The following RPAP2 variants were observed in gnomAD, a reference collection of about 807,000 sequenced individuals.
The protein encoded by RPAP2 is putative RNA polymerase II subunit B1 CTD phosphatase RPAP2.
A neutral mutation model predicts 73.1 loss-of-function variants in RPAP2; 52 were observed. The observed-to-expected ratio is 0.71, with a 90% CI of 0.57 to 0.90. RPAP2 has a LOEUF of 0.90. Among genes scored for constraint, RPAP2 ranks in the 40% least tolerant of loss-of-function variants. The pLI is 0.00. For synonymous variants in RPAP2, 225 were observed against 242.1 expected, an observed-to-expected ratio of 0.93 and a Z score of 0.65; for missense variants, 598 against 701.8, an observed-to-expected ratio of 0.85 and a Z score of 1.67.
intron 3 of RPAP2, among the ~76,000 whole-genome samples, chr1:92,302,701 A>G (rs1650949394): frequency 1.5e-5 from 2 of 136,496 alleles, no homozygotes; most frequent in Non-Finnish European, 3.0e-5. Context: ...TCCCGTGTTC[A>G]CGCCATTCTC....
chr1:92,322,021 C>T (rs1260623235), intron 7 of RPAP2, among the ~76,000 whole-genome samples: 1 of 149,588 alleles, frequency 6.7e-6, no homozygotes, highest in Non-Finnish European at 1.5e-5. Flanking sequence ...TCTCGGCTCA[C>T]TGCAACCTCT....
At chr1:92,302,351 C>A (rs1042920857) in intron 3 of RPAP2, among the ~76,000 whole-genome samples, 9 of 150,488 alleles carry the variant, frequency 6.0e-5, no homozygotes, top group Middle Eastern at 3.4e-3. Flanking sequence ...AAAGAAAAAG[C>A]AAATATATTT....
rs544039312 is a variant in RPAP2, at chr1:92,391,208, T to G, written c.*4197T>G. ...CGTCTCAGACCACAATGCAATCAAA[T>G]TAGAACTCAGGATCAAGAATCTCAC... On this transcript the variant is annotated 3_prime_UTR_variant, in exon 13 of 13. Transcript: ENST00000610020. 1 of 152,210 alleles carries G rather than the reference T, an allele frequency of 6.6e-6. No individual in the cohort carries two copies. The highest frequency in any genetic ancestry group is 1.5e-5 in the Non-Finnish European group (1 of 68,020). The allele number at this position is 152,210 out of a possible 1,614,324, so 9.4% of individuals were successfully genotyped here. A position where few individuals can be genotyped will look rare whatever the true frequency, so the allele number is the denominator to read the frequency against.
chr1:92,351,344 A>C (rs373359068), intron 11 of RPAP2, among the ~76,000 whole-genome samples: 15 of 150,920 alleles, frequency 9.9e-5, no homozygotes, highest in African/African-American at 3.7e-4. Flanking sequence ...GACCATAATG[A>C]ATTGCATAAA....
chr1:92,319,789 A>C (rs918887094), intron 6 of RPAP2, among the ~76,000 whole-genome samples: 11 of 152,346 alleles, frequency 7.2e-5, no homozygotes, highest in African/African-American at 2.6e-4. Context: ...ACCTGAAGTC[A>C]GGAGTTCAAG....
At chr1:92,354,650 T>C (rs1654375144) in intron 11 of RPAP2, among the ~76,000 whole-genome samples, 1 of 152,136 alleles carries the variant, frequency 6.6e-6, no homozygotes, top group Admixed American at 6.5e-5. Context: ...AAACATTTTA[T>C]TTTATTTGGC....
chr1:92,373,194 AT>A (rs10716923), intron 11 of RPAP2, among the ~76,000 whole-genome samples: 88,307 of 151,978 alleles, frequency 0.58, 28,089 homozygotes, highest in East Asian at 0.96. Flanking sequence ...CTGAGGATGG[AT>A]TTTTAGAGGG....
chr1:92,384,026 C>G (rs1422475207), intron 12 of RPAP2, among the ~76,000 whole-genome samples: 2 of 150,748 alleles, frequency 1.3e-5, no homozygotes, highest in Non-Finnish European at 2.9e-5. Flanking sequence ...GTGGTGCAAT[C>G]TCAGCTCACT....
rs1656008751 is a variant in RPAP2 at position 92,390,567 on chromosome 1, G to A, written c.*3556G>A. On this transcript the variant is annotated 3_prime_UTR_variant, in exon 13 of 13. Coordinates refer to ENST00000610020, the MANE Select transcript of RPAP2 (RefSeq NM_024813.3). ...CAATATTAACCTTAAATGTAAATGGGATAAATGCCCCAATTAAAAGACACA... is the reference window on the plus strand; with the variant it reads ...CAATATTAACCTTAAATGTAAATGGAATAAATGCCCCAATTAAAAGACACA... 1 of 152,116 alleles carries A rather than the reference G, an allele frequency of 6.6e-6. No individual in the cohort carries two copies. The allele number at this position is 152,116 out of a possible 1,614,324, so 9.4% of individuals were successfully genotyped here.
rs1651061127 is a variant in RPAP2, at chr1:92,304,337, T to TA, written c.388dup (p.Thr130AsnfsTer2). 1 of 1,518,268 alleles carries TA rather than the reference T, an allele frequency of 6.6e-7. No homozygotes were observed. The highest frequency in any genetic ancestry group is 1.2e-5 in the South Asian group (1 of 84,310). The allele number at this position is 1,518,268 out of a possible 1,614,324, so 94.0% of individuals were successfully genotyped here. On this transcript the variant is annotated frameshift_variant, in exon 5 of 13. Transcript: ENST00000610020. LOFTEE classifies it high-confidence loss of function. ...CCAAAACCAATAAAGTCTATGATAT[T>TA]ACTGAAAGAAAGGTGAGTTTAAAGG...
intron 11 of RPAP2, among the ~76,000 whole-genome samples, chr1:92,366,877 T>C (rs1292255094): frequency 6.6e-6 from 1 of 152,180 alleles, no homozygotes; most frequent in African/African-American, 2.4e-5. Flanking sequence ...GCTCTTCATT[T>C]CAGTTTTGAT....
chr1:92,312,233 G>A (rs1651633591), intron 6 of RPAP2, among the ~76,000 whole-genome samples: 1 of 152,012 alleles, frequency 6.6e-6, no homozygotes, highest in South Asian at 2.1e-4. Context: ...AACATAGAGG[G>A]ACCCATCTCT....
At chr1:92,357,627 G>A (rs1654540813) in intron 11 of RPAP2, among the ~76,000 whole-genome samples, 1 of 152,180 alleles carries the variant, frequency 6.6e-6, no homozygotes, top group South Asian at 2.1e-4. Flanking sequence ...TGCTTCCCAG[G>A]TTCAAGTGAT....
chr1:92,383,087 G>A lies in RPAP2; in HGVS notation c.1838+2214G>A, dbSNP rs138643387. 3.1e-3 allele frequency among the ~76,000 whole-genome samples: 478 copies of A among 152,210 alleles called. 5 individuals are homozygous for A. Among genetic ancestry groups the A allele is most frequent in the African/African-American group, 0.011 (450 of 41,506 alleles). ...CAAGATCAGATAGTTGCAGATATGC[G>A]GCATTATTTCTGAGGGCTCTGTTCT... On this transcript the variant is annotated intron_variant, in intron 12 of 12. Transcript: ENST00000610020.
chr1:92,375,643 C>T (rs1207775418), intron 11 of RPAP2, among the ~76,000 whole-genome samples: 1 of 152,112 alleles, frequency 6.6e-6, no homozygotes. Context: ...TCAGTCTGGC[C>T]AACATGGTGA....
rs1050022736 is a variant in RPAP2 at position 92,369,385 on chromosome 1, G to A, written c.1689-11339G>A. Among the ~76,000 whole-genome samples the A allele has an allele frequency of 1.2e-4, 19 of 152,244 alleles. 1 individual carries two copies. The East Asian group carries it at 3.7e-3, about 29-fold the overall frequency. On this transcript the variant is annotated intron_variant, in intron 11 of 12. Transcript: ENST00000610020. ...TAGCGCACTGTAAACTTGAACTCCT[G>A]GGGTCAAGTTTACAAGTTGTGGGAA...
At chr1:92,354,548 T>C (rs1348188699) in intron 11 of RPAP2, among the ~76,000 whole-genome samples, 1 of 152,176 alleles carries the variant, frequency 6.6e-6, no homozygotes, top group Non-Finnish European at 1.5e-5. Context: ...ATTAGAAATA[T>C]CAGTGGAAAG....
At chr1:92,371,029 G>A (rs373023524) in intron 11 of RPAP2, among the ~76,000 whole-genome samples, 22 of 152,146 alleles carry the variant, frequency 1.4e-4, no homozygotes, top group Non-Finnish European at 3.1e-4. Flanking sequence ...AAAATAGGCC[G>A]GGCACTGTGG....
In RPAP2 at chr1:92,396,490, T is replaced by C. The variant is rs1656185444; in HGVS notation, c.*9479T>C. 1 of 152,160 alleles carries C rather than the reference T, an allele frequency of 6.6e-6. No homozygotes were observed. The highest frequency in any genetic ancestry group is 1.5e-5 in the Non-Finnish European group (1 of 68,034). The allele number at this position is 152,160 out of a possible 1,614,324, so 9.4% of individuals were successfully genotyped here. A position where few individuals can be genotyped will look rare whatever the true frequency, so the allele number is the denominator to read the frequency against. On this transcript the variant is annotated 3_prime_UTR_variant, in exon 13 of 13. Transcript: ENST00000610020. ...TATCCCACATATGGTATGTTTCCAT[T>C]TACAGTCCAGAAAAGGCATATACTA...
Sources: allele counts gnomAD v4.1 joint callset (sites outside exome capture counted in the v4.1 genomes callset), GRCh38; gene constraint gnomAD v4.1.1; transcripts MANE v1.5; gene names NCBI Gene and HGNC (gene_info 2026-07-23, HGNC 2026-07-21).